BMP1: variants seen among roughly 807,000 people sequenced by gnomAD.
BMP1 encodes mammalian tolloid protein.
Under a neutral mutation model 116.8 loss-of-function variants are expected in BMP1, and 63 were observed. The ratio of observed to expected loss-of-function variants is 0.54; its 90% CI spans 0.44 to 0.67. BMP1 has a LOEUF of 0.67. Among genes scored for constraint, BMP1 ranks in the 30% least tolerant of loss-of-function variants. The pLI, the probability that BMP1 is intolerant of heterozygous loss-of-function variation, is 0.00. For synonymous variants in BMP1, 536 were observed against 533.4 expected (o/e 1.00, Z -0.07); for missense variants, 1,183 against 1,358.9 (o/e 0.87, Z 2.04).
intron 12 of BMP1, among the ~76,000 whole-genome samples, chr8:22,195,205 T>A (rs915881266): frequency 2.0e-5 from 3 of 152,248 alleles, no homozygotes; most frequent in South Asian, 4.1e-4. Context: ...TTCTCATCTG[T>A]AAAATGGGCA....
At chr8:22,197,496 C>T (rs1257815581) in intron 15 of BMP1, 76 bp downstream of exon 15, 6 of 1,488,922 alleles carry the variant, frequency 4.0e-6, no homozygotes, top group Non-Finnish European at 5.5e-6. Flanking sequence ...GCCCCTGCAC[C>T]CCTGTACTCC....
chr8:22,205,578 C>T (rs1829337932), intron 16 of BMP1, among the ~76,000 whole-genome samples: 1 of 151,986 alleles, frequency 6.6e-6, no homozygotes, highest in Non-Finnish European at 1.5e-5. Context: ...AGTTTGACAT[C>T]AGCCTGGGCA....
chr8:22,206,985 A>C lies in BMP1; in HGVS notation c.2361+4A>C. 1.2e-6 allele frequency: 2 copies of C among 1,614,016 alleles called. No individual in the cohort carries two copies. Among genetic ancestry groups the C allele is most frequent in the Non-Finnish European group, 1.7e-6 (2 of 1,179,944 alleles). Reference sequence around the variant, plus strand: ...CCCCGGGCACCGGGTCAAGCTGGTAAGGGGTCCCCTCCCCACTCCTTATGC... The same window carrying C: ...CCCCGGGCACCGGGTCAAGCTGGTACGGGGTCCCCTCCCCACTCCTTATGC... On this transcript the variant is annotated splice_donor_region_variant and intron_variant, in intron 17 of 19. Transcript: ENST00000306385.
chr8:22,206,563 T>C (rs1829360059), intron 16 of BMP1, among the ~76,000 whole-genome samples: 1 of 151,612 alleles, frequency 6.6e-6, no homozygotes, highest in South Asian at 2.1e-4. Flanking sequence ...ATGACCCCTG[T>C]GGCCCAACAC....
rs778562515 is a variant in BMP1 at position 22,180,421 on chromosome 8, C to T, written c.1015C>T (p.Pro339Ser). 3 of 1,613,924 alleles carry T rather than the reference C, an allele frequency of 1.9e-6. No individual in the cohort carries two copies. The highest frequency in any genetic ancestry group is 3.3e-5 in the Admixed American group (2 of 59,994). ...AGGCAACTTCTCCTCCCCTGAATAC[C>T]CCAATGGCTACTCTGCTCACATGCA... ...STGNFSSPEY[P>S]NGYSAHMHCV... The change falls in exon 8 of 20, where the codon CCC becomes TCC. Residue 339 changes from proline (P) to serine (S), a missense_variant. Transcript: ENST00000306385.
At chr8:22,193,413 A>G (rs1828989535) in intron 9 of BMP1, among the ~76,000 whole-genome samples, 1 of 152,188 alleles carries the variant, frequency 6.6e-6, no homozygotes, top group Non-Finnish European at 1.5e-5. Flanking sequence ...ATAGAGACCA[A>G]ATAAGAAAAG....
chr8:22,166,878 G>T (rs1258825031), intron 1 of BMP1, among the ~76,000 whole-genome samples: 2 of 152,150 alleles, frequency 1.3e-5, no homozygotes, highest in African/African-American at 4.8e-5. Context: ...AGTGGACTGC[G>T]CATGGACTTT....
intron 14 of BMP1, 142 bp downstream of exon 14, chr8:22,196,982 AAGCACAG>A: frequency 7.9e-7 from 1 of 1,268,120 alleles, no homozygotes; most frequent in Admixed American, 2.7e-5. Context: ...CCAGCTCACG[AAGCACAG>A]GAGGCCCAGC....
chr8:22,181,786 T>C (rs7829907), intron 8 of BMP1, among the ~76,000 whole-genome samples: 9,989 of 152,074 alleles, frequency 0.066, 389 homozygotes, highest in Admixed American at 0.1. Flanking sequence ...AACTCCTGAG[T>C]TCAAGTGATC....
At chr8:22,173,764 G>A in intron 2 of BMP1, 49 bp downstream of exon 2, 1 of 1,477,892 alleles carries the variant, frequency 6.8e-7, no homozygotes. Context: ...TGGGTTCCAG[G>A]CTTAGGGAAA....
At chr8:22,176,874 C>T (rs780252448) in intron 4 of BMP1, 87 bp from the exon 5 acceptor site, 1 of 1,244,382 alleles carries the variant, frequency 8.0e-7, no homozygotes, top group Admixed American at 2.2e-5. Flanking sequence ...TCCCCTGCCG[C>T]CCCGCCCCCG....
At chr8:22,173,557 G>A (rs1586436459) in intron 1 of BMP1, 45 bp from the exon 2 acceptor site, 1 of 1,498,580 alleles carries the variant, frequency 6.7e-7, no homozygotes, top group Middle Eastern at 2.0e-4. Context: ...ACCTAGGGCT[G>A]GGTAGGAGGA....
chr8:22,193,735 G>A (rs1254790737), intron 9 of BMP1, among the ~76,000 whole-genome samples: 1 of 152,220 alleles, frequency 6.6e-6, no homozygotes, highest in African/African-American at 2.4e-5. Flanking sequence ...AGTGAGCCAA[G>A]AGCGTGCCAC....
chr8:22,176,608 C>T lies in BMP1; in HGVS notation c.509C>T (p.Thr170Ile). 1.9e-6 allele frequency: 3 copies of T among 1,614,214 alleles called. No individual in the cohort carries two copies. The highest frequency in any genetic ancestry group is 2.5e-6 in the Non-Finnish European group (3 of 1,180,026). Residue 170 changes from threonine to isoleucine, a missense_variant, in exon 4 of 20, where the codon ACT becomes ATT. Coordinates refer to ENST00000306385, the MANE Select transcript of BMP1 (RefSeq NM_006129.5). ...KHTCVTFLER[T>I]DEDSYIVFTY... ...ACCTGTGTCACCTTCCTGGAGCGCA[C>T]TGACGAGGACAGCTATATTGTGTTC...
chr8:22,187,403 C>T (rs1828804781), intron 8 of BMP1, among the ~76,000 whole-genome samples: 1 of 151,542 alleles, frequency 6.6e-6, no homozygotes, highest in Non-Finnish European at 1.5e-5. Flanking sequence ...ATGATCTCGG[C>T]TCACTGCAAG....
At position 22,200,992 on chromosome 8, in the gene BMP1, C is replaced by T. The variant is rs1051174042; in HGVS notation, c.2108-811C>T. ...CTGCATGTGTGTCCGCCTGCCCTCCCGCCCCACCCTGCCCCTCAGATCCAC... is the reference window on the plus strand; with the variant it reads ...CTGCATGTGTGTCCGCCTGCCCTCCTGCCCCACCCTGCCCCTCAGATCCAC... On this transcript the variant is annotated intron_variant, in intron 15 of 19. Transcript: ENST00000306385. The T allele has an allele frequency of 2.0e-5, 6 of 293,670 alleles. 1 individual carries two copies. Among genetic ancestry groups the T allele is most frequent in the Admixed American group, 5.1e-5 (1 of 19,564 alleles). 18.2% of individuals were successfully genotyped at this position (293,670 alleles called of 1,614,324 possible).
At chr8:22,203,910 A>C (rs757664196) in intron 16 of BMP1, among the ~76,000 whole-genome samples, 3 of 152,256 alleles carry the variant, frequency 2.0e-5, no homozygotes, top group Admixed American at 6.5e-5. Context: ...CAGAATCCAC[A>C]AGATAGCCAG....
intron 9 of BMP1, among the ~76,000 whole-genome samples, chr8:22,193,410 C>A (rs924632842): frequency 6.6e-6 from 1 of 151,952 alleles, no homozygotes; most frequent in Non-Finnish European, 1.5e-5. Context: ...TGCATAGAGA[C>A]CAAATAAGAA....
chr8:22,189,343 A>G (rs182765281), intron 8 of BMP1, among the ~76,000 whole-genome samples: 4 of 151,756 alleles, frequency 2.6e-5, no homozygotes, highest in Admixed American at 6.6e-5. Flanking sequence ...GCCAGCACTC[A>G]GTCATTTTTA....
Sources: allele counts gnomAD v4.1 joint callset (sites outside exome capture counted in the v4.1 genomes callset), GRCh38; gene constraint gnomAD v4.1.1; transcripts MANE v1.5; gene names NCBI Gene and HGNC (gene_info 2026-07-23, HGNC 2026-07-21).